Variants in UBE2G1 observed in about 807,000 individuals in gnomAD.
UBE2G1 encodes ubiquitin conjugating enzyme E2 G1.
In UBE2G1, 5 loss-of-function variants were observed where a neutral mutation model predicts 22.7. The ratio of observed to expected loss-of-function variants is 0.22; its 90% CI spans 0.12 to 0.46. The LOEUF (loss-of-function observed/expected upper bound fraction) is 0.46. UBE2G1 is among the 20% of genes least tolerant of loss of function. The pLI is 0.99. For missense variants in UBE2G1, 88 were observed against 203.9 expected, an observed-to-expected ratio of 0.43 and a Z score of 3.46; for synonymous variants, 74 against 67.5, an observed-to-expected ratio of 1.10 and a Z score of -0.47.
At chr17:4,331,950 T>G (rs1465301942) in intron 1 of UBE2G1, 2 of 152,160 alleles carry the variant, frequency 1.3e-5, no homozygotes. Flanking sequence ...ATAAACACTA[T>G]AAATATATTA....
intron 5 of UBE2G1, among the ~76,000 whole-genome samples, chr17:4,273,992 AT>A (rs796303488): frequency 2.5e-4 from 37 of 148,004 alleles, no homozygotes; most frequent in Admixed American, 1.3e-4. Flanking sequence ...GAACTTACCA[AT>A]TTTTTTTTTT....
chr17:4,304,804 C>T (rs995835391), intron 2 of UBE2G1, among the ~76,000 whole-genome samples: 5 of 152,266 alleles, frequency 3.3e-5, no homozygotes, highest in African/African-American at 1.2e-4. Context: ...GCCTCTACTT[C>T]CCTTCACAGG....
intron 1 of UBE2G1, among the ~76,000 whole-genome samples, chr17:4,358,761 G>C (rs1005377432): frequency 2.6e-5 from 4 of 152,094 alleles, no homozygotes; most frequent in Admixed American, 6.6e-5. Context: ...AGACCAGCCT[G>C]ACTAATATAG....
At chr17:4,352,688 T>C (rs948641425) in intron 1 of UBE2G1, among the ~76,000 whole-genome samples, 2 of 152,200 alleles carry the variant, frequency 1.3e-5, no homozygotes, top group Admixed American at 6.6e-5. Flanking sequence ...GCGTGGTGGC[T>C]GTATTATAGA....
At chr17:4,351,018 G>A (rs1040891290) in intron 1 of UBE2G1, among the ~76,000 whole-genome samples, 1 of 149,758 alleles carries the variant, frequency 6.7e-6, no homozygotes, top group South Asian at 2.1e-4. Context: ...GGGCGACAGA[G>A]CAAGACTTCG....
intron 1 of UBE2G1, among the ~76,000 whole-genome samples, chr17:4,316,864 C>A (rs145825525): frequency 4.7e-5 from 7 of 149,504 alleles, no homozygotes; most frequent in African/African-American, 1.7e-4. Flanking sequence ...TGTTTGGGCC[C>A]GGAAGTTTGA....
At chr17:4,351,506 CT>C (rs1304932874) in intron 1 of UBE2G1, among the ~76,000 whole-genome samples, 1 of 152,088 alleles carries the variant, frequency 6.6e-6, no homozygotes, top group Non-Finnish European at 1.5e-5. Context: ...AGGTGTCATC[CT>C]AAGGGAGAGA....
intron 1 of UBE2G1, among the ~76,000 whole-genome samples, chr17:4,322,461 G>C (rs902726289): frequency 6.6e-6 from 1 of 152,168 alleles, no homozygotes; most frequent in African/African-American, 2.4e-5. Context: ...CTATTTATTT[G>C]TATGTGCTTC....
At chr17:4,282,957 G>A in intron 4 of UBE2G1, 36 bp from the exon 5 acceptor site, 1 of 1,492,624 alleles carries the variant, frequency 6.7e-7, no homozygotes, top group Non-Finnish European at 9.3e-7. Flanking sequence ...GTGATTTCAT[G>A]CAAACTCCCC....
chr17:4,304,075 G>C (rs139316543), intron 2 of UBE2G1, among the ~76,000 whole-genome samples: 178 of 152,306 alleles, frequency 1.2e-3, no homozygotes, highest in African/African-American at 2.7e-3. Flanking sequence ...CCAAGCTAGA[G>C]TGCAGTAGCG....
At chr17:4,280,336 CTTTTTTTT>C (rs71144178) in intron 5 of UBE2G1, among the ~76,000 whole-genome samples, 1 of 68,950 alleles carries the variant, frequency 1.5e-5, no homozygotes, top group African/African-American at 6.6e-5. Flanking sequence ...GGCACCTGGG[CTTTTTTTT>C]TTTTTTTTTT....
intron 1 of UBE2G1, among the ~76,000 whole-genome samples, chr17:4,313,230 A>G (rs979969057): frequency 3.3e-5 from 5 of 152,230 alleles, no homozygotes; most frequent in Non-Finnish European, 7.3e-5. Context: ...GCAGGACACA[A>G]AACTCAACAG....
chr17:4,301,932 T>C (rs1969185095), intron 2 of UBE2G1: 1 of 483,430 alleles, frequency 2.1e-6, no homozygotes, highest in African/African-American at 2.0e-5. Flanking sequence ...GGGGTCACAC[T>C]TAAGATTGGG....
At chr17:4,344,276 C>T (rs1419906296) in intron 1 of UBE2G1, among the ~76,000 whole-genome samples, 2 of 152,126 alleles carry the variant, frequency 1.3e-5, no homozygotes, top group Non-Finnish European at 2.9e-5. Flanking sequence ...CGCGGTGGCT[C>T]GCGCCTGTAA....
intron 1 of UBE2G1, among the ~76,000 whole-genome samples, chr17:4,362,818 T>C (rs2143838392): frequency 6.6e-6 from 1 of 152,234 alleles, no homozygotes; most frequent in East Asian, 1.9e-4. Flanking sequence ...ACTGAGATTA[T>C]GTCACTGCGC....
chr17:4,271,571 A>G lies in UBE2G1; in HGVS notation c.*983T>C, dbSNP rs1968760212. On this transcript the variant is annotated 3_prime_UTR_variant, in exon 6 of 6. Transcript: ENST00000396981. ...CTGCAGTATAGAAGAATAGAGGCAG[A>G]GAAATATGAAGGACTAAGGAGAAGG... 1 of 150,146 alleles carries G rather than the reference A, an allele frequency of 6.7e-6. No individual in the cohort carries two copies. The highest frequency in any genetic ancestry group is 1.5e-5 in the Non-Finnish European group (1 of 67,726). The allele number at this position is 150,146 out of a possible 1,614,324, so 9.3% of individuals were successfully genotyped here. A position where few individuals can be genotyped will look rare whatever the true frequency, so the allele number is the denominator to read the frequency against.
chr17:4,307,079 C>T lies in UBE2G1; in HGVS notation c.91G>A (p.Asp31Asn). Residue 31 changes from aspartate to asparagine, a missense_variant, in exon 2 of 6, where the codon GAT becomes AAT. This residue lies in a region of UBE2G1 where 50 missense variants were observed against 71.0 expected (regional missense o/e 0.70). Coordinates refer to ENST00000396981, the MANE Select transcript of UBE2G1 (RefSeq NM_003342.5). ...PVEGFSAGLIDDNDLYRWEVL... is the reference protein window; with the variant it reads ...PVEGFSAGLINDNDLYRWEVL... ...TCCCATCGGTAGAGATCATTGTCAT[C>T]TATTAAACCTGCAGAAAAGCCTTCC... is the stretch of plus-strand genomic sequence containing the variant. 1 of 1,614,100 alleles carries T rather than the reference C, an allele frequency of 6.2e-7. No individual in the cohort carries two copies. Among genetic ancestry groups the T allele is most frequent in the Non-Finnish European group, 8.5e-7 (1 of 1,179,974 alleles).
At chr17:4,334,393 C>T (rs890058121) in intron 1 of UBE2G1, among the ~76,000 whole-genome samples, 2 of 152,180 alleles carry the variant, frequency 1.3e-5, no homozygotes, top group African/African-American at 4.8e-5. Context: ...AATAGTATCT[C>T]TAAGCCTGCT....
At chr17:4,313,080 T>TA (rs2143744447) in intron 1 of UBE2G1, among the ~76,000 whole-genome samples, 1 of 152,332 alleles carries the variant, frequency 6.6e-6, no homozygotes, top group East Asian at 1.9e-4. Flanking sequence ...TATCTGTGTT[T>TA]AAATGTTGAT....
Sources: allele counts gnomAD v4.1 joint callset (sites outside exome capture counted in the v4.1 genomes callset), GRCh38; gene constraint gnomAD v4.1.1; regional missense constraint gnomAD v4.1.1; transcripts MANE v1.5; gene names NCBI Gene and HGNC (gene_info 2026-07-23, HGNC 2026-07-21).